Variants in LAMP3 observed in about 807,000 individuals in gnomAD.
LAMP3 encodes lysosome-associated membrane glycoprotein 3.
A neutral mutation model predicts 34.8 loss-of-function variants in LAMP3; 26 were observed. The ratio of observed to expected loss-of-function variants is 0.75; its 90% CI spans 0.55 to 1.04. The LOEUF (loss-of-function observed/expected upper bound fraction) is 1.04. Ranked by LOEUF, LAMP3 falls within the 50% of genes least tolerant of loss-of-function variation. The probability of loss-of-function intolerance (pLI) is 0.00; values close to 1 mark genes in which losing one functional copy is unlikely to be tolerated. For synonymous variants in LAMP3, 180 were observed against 201.9 expected (o/e 0.89, Z 0.92); for missense variants, 495 against 524.0 (o/e 0.94, Z 0.54).
chr3:183,162,803 A>T, upstream of LAMP3: 1 of 716,654 alleles, frequency 1.4e-6, no homozygotes, highest in Non-Finnish European at 2.2e-6. Context: ...CTGGGCGGGG[A>T]GGGAAACTCC....
rs745839523 is a variant in LAMP3 at position 183,154,102 on chromosome 3, G to A, written c.339C>T (p.Asn113=). The change falls in exon 2 of 6, where the codon AAC becomes AAT. Residue 113 remains asparagine (N), a synonymous_variant. Transcript: ENST00000265598. ...CAGTAACTGGAGGAGCTGTGTGTGA[G>A]TTGTTGGGTGTGGCCTGGGTTGTGA... ...TLVTTQATPN[N]SHTAPPVTEV... is the part of the protein sequence containing the mutation. The A allele has an allele frequency of 2.5e-6, 4 of 1,614,196 alleles. No homozygotes were observed. The South Asian group carries it at 4.4e-5, about 18-fold the overall frequency.
In LAMP3 at chr3:183,124,056, T is replaced by C. The variant is rs773779454; in HGVS notation, c.*25A>G. On this transcript the variant is annotated 3_prime_UTR_variant, in exon 6 of 6. Coordinates refer to ENST00000265598, the MANE Select transcript of LAMP3 (RefSeq NM_014398.4). ...GATGAAAGAGTTCTCTAAATTCCAT[T>C]ATTTTCATTCCCCCCGGGCAACAAT... 3 of 1,613,722 alleles carry C rather than the reference T, an allele frequency of 1.9e-6. No homozygotes were observed. The South Asian group carries it at 3.3e-5, about 18-fold the overall frequency.
At chr3:183,146,635 C>G (rs1720450346) in intron 3 of LAMP3, among the ~76,000 whole-genome samples, 1 of 149,924 alleles carries the variant, frequency 6.7e-6, no homozygotes, top group South Asian at 2.1e-4. Flanking sequence ...TCAAGCGATT[C>G]TCCTGCCTCA....
chr3:183,155,049 G>A (rs1720785288), intron 1 of LAMP3, among the ~76,000 whole-genome samples: 1 of 152,100 alleles, frequency 6.6e-6, no homozygotes, highest in East Asian at 1.9e-4. Flanking sequence ...TGAGTAGCTG[G>A]GATTAAAGGC....
intron 1 of LAMP3, 125 bp downstream of exon 1, chr3:183,162,482 C>G (rs571645908): frequency 1.1e-6 from 1 of 922,816 alleles, no homozygotes; most frequent in East Asian, 2.7e-5. Flanking sequence ...AGCTGGGAAG[C>G]CCTTGGACGC....
upstream of LAMP3, chr3:183,162,787 G>GC: frequency 1.6e-5 from 13 of 820,588 alleles, no homozygotes; most frequent in Non-Finnish European, 2.2e-5. Context: ...AGCCCGCCCA[G>GC]GGCCGCTGGG....
At chr3:183,126,691 A>G (rs1719788941) in intron 5 of LAMP3, among the ~76,000 whole-genome samples, 1 of 152,178 alleles carries the variant, frequency 6.6e-6, no homozygotes. Flanking sequence ...AGTAAAACCA[A>G]TTACCCCAAG....
intron 3 of LAMP3, 106 bp from the exon 4 acceptor site, chr3:183,140,701 G>C: frequency 2.7e-6 from 2 of 741,348 alleles, no homozygotes; most frequent in South Asian, 3.2e-5. Flanking sequence ...CTGGATATAA[G>C]GGCTGGGGAG....
intron 5 of LAMP3, among the ~76,000 whole-genome samples, chr3:183,127,309 T>G (rs1253337604): frequency 1.3e-5 from 2 of 152,148 alleles, no homozygotes. Context: ...ACTTTTTAAC[T>G]TTTTTGAAGA....
chr3:183,129,960 C>A (rs1719868133), intron 5 of LAMP3, among the ~76,000 whole-genome samples: 1 of 152,104 alleles, frequency 6.6e-6, no homozygotes, highest in Admixed American at 6.6e-5. Context: ...CAGACAGGTA[C>A]AGAGGGAAGA....
chr3:183,131,381 CTG>C (rs1417149067), intron 5 of LAMP3, among the ~76,000 whole-genome samples: 1 of 152,204 alleles, frequency 6.6e-6, no homozygotes. Flanking sequence ...GCCCTTAACA[CTG>C]GACACAGGGG....
chr3:183,163,305 GTTT>G (rs1721039051), upstream of LAMP3, among the ~76,000 whole-genome samples: 1 of 144,440 alleles, frequency 6.9e-6, no homozygotes, highest in African/African-American at 2.6e-5. Context: ...GTTTTGTTTT[GTTT>G]TGTTTTGTTT....
rs754784098 is a variant in LAMP3 at position 183,124,110 on chromosome 3, A to G, written c.1222T>C (p.Cys408Arg). The change falls in exon 6 of 6, where the codon TGT (cysteine) becomes CGT (arginine). Residue 408 changes from cysteine to arginine, a missense_variant. Coordinates refer to ENST00000265598, the MANE Select transcript of LAMP3 (RefSeq NM_014398.4). The part of the protein sequence containing the change: ...GMGVYKIRLR[C>R]QSSGYQRI ...ATTCTCTGGTATCCAGATGATTGAC[A>G]CCTTAGGCGGATTTTATAGACACCC... 1 of 1,614,058 alleles carries G rather than the reference A, an allele frequency of 6.2e-7. No individual in the cohort carries two copies. Among genetic ancestry groups the G allele is most frequent in the Non-Finnish European group, 8.5e-7 (1 of 1,179,998 alleles).
In LAMP3 at chr3:183,152,987, C is replaced by T. The variant is rs1175589719; in HGVS notation, c.760-484G>A. Among the ~76,000 whole-genome samples, 22 of 151,924 alleles carry T rather than the reference C, an allele frequency of 1.4e-4. No homozygotes were observed. The East Asian group carries it at 1.9e-3, about 13-fold the overall frequency. On this transcript the variant is annotated intron_variant, in intron 2 of 5. Coordinates refer to ENST00000265598, the MANE Select transcript of LAMP3 (RefSeq NM_014398.4). ...GTCAGGAGTTCGAGACCAGCCTGGCCAACTTAGTGAAACCCCGTCTCTACT... is the reference window on the plus strand; with the variant it reads ...GTCAGGAGTTCGAGACCAGCCTGGCTAACTTAGTGAAACCCCGTCTCTACT...
chr3:183,124,217 A>G lies in LAMP3; in HGVS notation c.1118-3T>C, dbSNP rs1719731262. 1.9e-6 allele frequency: 3 copies of G among 1,569,108 alleles called. No individual in the cohort carries two copies. Among genetic ancestry groups the G allele is most frequent in the Admixed American group, 2.0e-5 (1 of 50,300 alleles). On this transcript the variant is annotated splice_region_variant and splice_polypyrimidine_tract_variant and intron_variant, in intron 5 of 5. Coordinates refer to ENST00000265598, the MANE Select transcript of LAMP3 (RefSeq NM_014398.4). ...GTAGTCAGACGAGCACTCATCCACTAAGAGAGAAAACAAATACAATACAGT... is the reference window on the plus strand; with the variant it reads ...GTAGTCAGACGAGCACTCATCCACTGAGAGAGAAAACAAATACAATACAGT...
chr3:183,154,546 A>G (rs1332020753), intron 1 of LAMP3, among the ~76,000 whole-genome samples, 155 bp from the exon 2 acceptor site: 1 of 152,240 alleles, frequency 6.6e-6, no homozygotes, highest in African/African-American at 2.4e-5. Flanking sequence ...TGAAGCAAAC[A>G]TCACCAAAGA....
chr3:183,144,346 G>C (rs906315687), intron 3 of LAMP3, among the ~76,000 whole-genome samples: 6 of 152,232 alleles, frequency 3.9e-5, no homozygotes, highest in Admixed American at 3.3e-4. Flanking sequence ...TTGCCTTGGG[G>C]ATGGCAAAAT....
chr3:183,131,848 T>G, intron 5 of LAMP3: 1 of 820,960 alleles, frequency 1.2e-6, no homozygotes, highest in Middle Eastern at 6.2e-4. Context: ...ATCAATGTAA[T>G]AGGAAACCAT....
intron 3 of LAMP3, among the ~76,000 whole-genome samples, chr3:183,151,141 A>G (rs946612489): frequency 6.6e-6 from 1 of 152,186 alleles, no homozygotes; most frequent in Non-Finnish European, 1.5e-5. Flanking sequence ...CAAGGGTCCT[A>G]CTAAGTAGAT....
Sources: gnomAD v4.1 joint callset for allele counts (sites outside exome capture counted in the v4.1 genomes callset) on GRCh38, gnomAD v4.1.1 for gene constraint, MANE v1.5 for transcripts, NCBI Gene and HGNC (gene_info 2026-07-23, HGNC 2026-07-21) for gene names.